The following ARRDC5 variants were observed in gnomAD, a reference collection of about 807,000 sequenced individuals.
ARRDC5 encodes arrestin domain-containing protein 5.
ARRDC5 carries 12 observed loss-of-function variants against 13.3 expected under a neutral mutation model. The observed-to-expected ratio is 0.90, with a 90% CI of 0.58 to 1.46. The LOEUF (loss-of-function observed/expected upper bound fraction) is 1.46, where lower values mean the gene tolerates loss of function less well. Ranked by LOEUF, ARRDC5 falls within the 40% of genes most tolerant of loss-of-function variation. The pLI is 0.00. For synonymous variants in ARRDC5, 181 were observed against 173.4 expected, an observed-to-expected ratio of 1.04 and a Z score of -0.34; for missense variants, 406 against 418.7, an observed-to-expected ratio of 0.97 and a Z score of 0.26.
At chr19:4,916,570 G>A in the ARRDC5 span, among the ~76,000 whole-genome samples, 1 of 152,140 alleles carries the variant, frequency 6.6e-6, no homozygotes, top group African/African-American at 2.4e-5. Context: ...CCGGGTCGAA[G>A]GGCAGAGTTC....
chr19:4,894,449 TGC>T (rs2031632498), intron 2 of ARRDC5, among the ~76,000 whole-genome samples: 1 of 130,176 alleles, frequency 7.7e-6, no homozygotes. Context: ...AGGTGGAGCT[TGC>T]AGTGAGCCGA....
intron 2 of ARRDC5, among the ~76,000 whole-genome samples, chr19:4,893,322 G>A (rs552689405): frequency 2.8e-5 from 4 of 140,612 alleles, no homozygotes; most frequent in South Asian, 4.5e-4. Flanking sequence ...CCTGGCCAGC[G>A]TGGTGAAACC....
At chr19:4,897,609 T>A (rs1009958072) in intron 1 of ARRDC5, among the ~76,000 whole-genome samples, 5 of 152,018 alleles carry the variant, frequency 3.3e-5, no homozygotes, top group African/African-American at 1.2e-4. Context: ...CTCCAACTCC[T>A]GAGATCAAGT....
chr19:4,893,155 TATATA>T (rs985765213), intron 2 of ARRDC5, among the ~76,000 whole-genome samples: 17 of 141,488 alleles, frequency 1.2e-4, no homozygotes, highest in African/African-American at 4.2e-4. Context: ...TATTAGAATA[TATATA>T]ATATATTATT....
intron 1 of ARRDC5, among the ~76,000 whole-genome samples, chr19:4,899,856 G>A (rs1190608687): frequency 1.3e-5 from 2 of 150,162 alleles, no homozygotes; most frequent in African/African-American, 4.9e-5. Flanking sequence ...GGAGAATGGC[G>A]AGAACCCGGG....
chr19:4,912,364 T>C, the ARRDC5 span, among the ~76,000 whole-genome samples: 1 of 152,182 alleles, frequency 6.6e-6, no homozygotes, highest in Non-Finnish European at 1.5e-5. Context: ...GAAGGCTTCA[T>C]TTCACAAAGA....
rs201796717 is a variant in ARRDC5, at chr19:4,891,460, G to C, written c.573C>G (p.Val191=). The C allele has an allele frequency of 2.5e-6, 4 of 1,613,758 alleles. No individual in the cohort carries two copies. Among genetic ancestry groups the C allele is most frequent in the Non-Finnish European group, 3.4e-6 (4 of 1,179,882 alleles). The change falls in exon 3 of 3, where the codon GTC becomes GTG. Residue 191 remains valine (V), a synonymous_variant. Transcript: ENST00000650722. The part of the protein sequence containing the change: ...ERNTFTPGEK[V]VFTTEINNQT... ...GGTTGTTGATCTCTGTTGTGAAGAC[G>C]ACCTTCTCTCCTGGCGTGAAGGTGT...
At chr19:4,902,933 A>C, upstream of ARRDC5, 1 of 1,550,558 alleles carries the variant, frequency 6.4e-7, no homozygotes, top group African/African-American at 1.4e-5. Flanking sequence ...CTCAGCTCAG[A>C]GTTCCGGGAA....
rs1378374319 is a variant in ARRDC5, at chr19:4,896,725, C to A, written c.405G>T (p.Arg135Ser). ...MGREHILAKK[R>S]MYLLVQGTST... Reference sequence around the variant, plus strand: ...AAGTTCCTTGAACCAATAAGTACATCCTCTTCTTGGCTAAAATGTGTTCCC... The same window carrying A: ...AAGTTCCTTGAACCAATAAGTACATACTCTTCTTGGCTAAAATGTGTTCCC... The change falls in exon 2 of 3, where the codon AGG becomes AGT. Residue 135 changes from arginine to serine, a missense_variant. Arg to Ser is a moderately radical substitution (Grantham distance 110). Transcript: ENST00000650722. 5.0e-6 allele frequency: 8 copies of A among 1,613,718 alleles called. No individual in the cohort carries two copies. The highest frequency in any genetic ancestry group is 6.8e-6 in the Non-Finnish European group (8 of 1,179,726).
chr19:4,900,143 C>CTTTTTTTTT (rs35303447), intron 1 of ARRDC5, among the ~76,000 whole-genome samples: 3 of 84,218 alleles, frequency 3.6e-5, no homozygotes, highest in East Asian at 3.7e-4. Context: ...CTGTTTCTTT[C>CTTTTTTTTT]TTTTTTTTTT....
the ARRDC5 span, among the ~76,000 whole-genome samples, chr19:4,911,984 A>G: frequency 3.9e-5 from 6 of 152,180 alleles, no homozygotes; most frequent in South Asian, 1.2e-3. Flanking sequence ...AGGTTGGAAA[A>G]TAAACACTGC....
rs935023356 is a variant in ARRDC5 at position 4,890,901 on chromosome 19, C to T, written c.*145G>A. Reference sequence around the variant, plus strand: ...GTGATAGTTCTAGGGAGGGGAGACACAGATACCTAAACCGCTAGAGCTTGG... The same window carrying T: ...GTGATAGTTCTAGGGAGGGGAGACATAGATACCTAAACCGCTAGAGCTTGG... On this transcript the variant is annotated 3_prime_UTR_variant, in exon 3 of 3. Coordinates refer to ENST00000650722, the MANE Select transcript of ARRDC5 (RefSeq NM_001080523.3). 11 of 653,834 alleles carry T rather than the reference C, an allele frequency of 1.7e-5. No individual in the cohort carries two copies. Among genetic ancestry groups the T allele is most frequent in the Non-Finnish European group, 2.4e-5 (9 of 381,238 alleles). 40.5% of individuals were successfully genotyped at this position (653,834 alleles called of 1,614,324 possible).
At chr19:4,894,694 AAGAAGAAGAAGG>A (rs2031649864) in intron 2 of ARRDC5, among the ~76,000 whole-genome samples, 1 of 137,660 alleles carries the variant, frequency 7.3e-6, no homozygotes, top group South Asian at 2.4e-4. Context: ...AAAAAAAAAA[AAGAAGAAGAAGG>A]AGAAGGAGAA....
At chr19:4,900,220 T>C (rs1157670777) in intron 1 of ARRDC5, among the ~76,000 whole-genome samples, 5 of 139,326 alleles carry the variant, frequency 3.6e-5, no homozygotes, top group Non-Finnish European at 7.6e-5. Flanking sequence ...TGATCTCGGC[T>C]CACCGCAAGC....
chr19:4,906,146 T>C (rs2146266090), upstream of ARRDC5, among the ~76,000 whole-genome samples: 1 of 152,204 alleles, frequency 6.6e-6, no homozygotes, highest in East Asian at 1.9e-4. Flanking sequence ...CTGGCTAATT[T>C]ATTTTTATTT....
upstream of ARRDC5, chr19:4,903,031 T>C (rs537717566): frequency 2.2e-6 from 1 of 446,496 alleles, no homozygotes; most frequent in South Asian, 3.4e-5. Flanking sequence ...CACTGGTTCT[T>C]TTTTTTTTTT....
At position 4,891,181 on chromosome 19, in the gene ARRDC5, G is replaced by A. The variant is rs564754641; in HGVS notation, c.852C>T (p.Thr284=). The change falls in exon 3 of 3, where the codon ACC becomes ACT. Residue 284 remains threonine, a synonymous_variant. Transcript: ENST00000650722. ...IMHTRYELVT[T]VHLPWSLTSL... is the part of the protein sequence containing the mutation. ...TGGTCAGGGACCAGGGCAGGTGCAC[G>A]GTGGTGACCAGCTCGTAGCGAGTGT... 118 of 1,613,854 alleles carry A rather than the reference G, an allele frequency of 7.3e-5. No homozygotes were observed. The highest frequency in any genetic ancestry group is 9.7e-5 in the Non-Finnish European group (114 of 1,179,904).
rs777652094 is a variant in ARRDC5 at position 4,902,882 on chromosome 19, C to A, written c.-57G>T. On this transcript the variant is annotated 5_prime_UTR_variant, in exon 1 of 3. Transcript: ENST00000650722. The stretch of plus-strand genomic sequence containing the variant: ...CTGTCCCCCATGTCCCTGAAATTCC[C>A]GGTTCGTTGGCCCTAGTGAGGTAAT... 4.3e-6 allele frequency: 7 copies of A among 1,611,164 alleles called. No homozygotes were observed. The highest frequency in any genetic ancestry group is 5.9e-6 in the Non-Finnish European group (7 of 1,178,504).
chr19:4,896,403 C>CATAT (rs1480046737), intron 2 of ARRDC5, among the ~76,000 whole-genome samples: 10,563 of 107,740 alleles, frequency 0.098, 660 homozygotes, highest in Non-Finnish European at 0.15. Context: ...CACACACACA[C>CATAT]ACATATATAT....
Sources: allele counts gnomAD v4.1 joint callset (sites outside exome capture counted in the v4.1 genomes callset), GRCh38; gene constraint gnomAD v4.1.1; transcripts MANE v1.5; gene names NCBI Gene and HGNC (gene_info 2026-07-23, HGNC 2026-07-21).